The following GLIS3 variants were observed in gnomAD, a reference collection of about 807,000 sequenced individuals.
GLIS3 encodes the protein GLIS family zinc finger 3.
GLIS3 carries 53 observed loss-of-function variants against 78.6 expected under a neutral mutation model. That is an observed-to-expected ratio of 0.67 (90% confidence interval 0.54 to 0.85). The LOEUF (loss-of-function observed/expected upper bound fraction) is 0.85. Among genes scored for constraint, GLIS3 ranks in the 40% least tolerant of loss-of-function variants. The probability of loss-of-function intolerance (pLI) is 0.00; values close to 1 mark genes in which losing one functional copy is unlikely to be tolerated. For synonymous variants in GLIS3, 684 were observed against 509.9 expected (o/e 1.34, Z -4.60); for missense variants, 1,703 against 1,231.1 (o/e 1.38, Z -5.74).
intron 2 of GLIS3, among the ~76,000 whole-genome samples, chr9:4,231,336 C>G (rs964306459): frequency 1.3e-5 from 2 of 152,170 alleles, no homozygotes; most frequent in Admixed American, 6.5e-5. Flanking sequence ...TCTTACTTTA[C>G]CTAAGAGGAA....
intron 4 of GLIS3, among the ~76,000 whole-genome samples, chr9:4,044,962 G>A (rs898258484): frequency 2.6e-5 from 4 of 152,110 alleles, no homozygotes; most frequent in Non-Finnish European, 5.9e-5. Flanking sequence ...TGTAAATTCC[G>A]AGGAAGGGAG....
chr9:3,888,678 C>CTT (rs1442084743), intron 7 of GLIS3, among the ~76,000 whole-genome samples: 1 of 152,206 alleles, frequency 6.6e-6, no homozygotes, highest in Non-Finnish European at 1.5e-5. Flanking sequence ...AGAGAACCCC[C>CTT]TTTCCTCCTT....
At chr9:4,269,783 G>C (rs1826340270) in intron 2 of GLIS3, among the ~76,000 whole-genome samples, 1 of 152,086 alleles carries the variant, frequency 6.6e-6, no homozygotes, top group South Asian at 2.1e-4. Context: ...AATAAAGAGG[G>C]TAAAAAAATA....
chr9:4,169,620 C>G (rs1428316419), intron 2 of GLIS3, among the ~76,000 whole-genome samples: 1 of 152,104 alleles, frequency 6.6e-6, no homozygotes, highest in African/African-American at 2.4e-5. Context: ...CACAGTTGTA[C>G]TGTAGTTAAG....
chr9:4,159,007 T>C (rs1835256709), intron 2 of GLIS3, among the ~76,000 whole-genome samples: 1 of 126,972 alleles, frequency 7.9e-6, no homozygotes, highest in Admixed American at 9.0e-5. Context: ...CTGAACCAGC[T>C]TGGTATGCTA....
intron 2 of GLIS3, among the ~76,000 whole-genome samples, chr9:4,275,844 G>A (rs1380196470): frequency 6.6e-6 from 1 of 152,190 alleles, no homozygotes; most frequent in African/African-American, 2.4e-5. Context: ...GAGCCTTGAT[G>A]TCTTCATACC....
intron 4 of GLIS3, among the ~76,000 whole-genome samples, chr9:4,090,141 C>T (rs995935876): frequency 1.3e-5 from 2 of 152,100 alleles, no homozygotes; most frequent in African/African-American, 4.8e-5. Context: ...TCCCTAAAAC[C>T]CATTTTAGGC....
intron 2 of GLIS3, among the ~76,000 whole-genome samples, chr9:4,237,463 G>A (rs561405806): frequency 1.3e-5 from 2 of 152,322 alleles, no homozygotes; most frequent in East Asian, 3.9e-4. Context: ...AGTTTTACAT[G>A]AAAGATAGAT....
At chr9:4,162,691 T>C (rs974236603) in intron 2 of GLIS3, among the ~76,000 whole-genome samples, 2 of 151,396 alleles carry the variant, frequency 1.3e-5, no homozygotes, top group Non-Finnish European at 2.9e-5. Flanking sequence ...CCCATCTCTA[T>C]TAAAAAATAC....
chr9:4,191,166 C>T (rs959988314), intron 2 of GLIS3, among the ~76,000 whole-genome samples: 4 of 150,024 alleles, frequency 2.7e-5, no homozygotes, highest in Admixed American at 1.3e-4. Context: ...ATGACAGGAT[C>T]AAATTCACAC....
the GLIS3 span, among the ~76,000 whole-genome samples, chr9:4,397,618 T>C: frequency 8.7e-6 from 1 of 114,564 alleles, no homozygotes; most frequent in African/African-American, 3.3e-5. Flanking sequence ...TGCAAAGCAA[T>C]AAAAGAAGAA....
At chr9:4,307,424 C>A (rs1443563200) in intron 4 of GLIS3, among the ~76,000 whole-genome samples, 1 of 152,198 alleles carries the variant, frequency 6.6e-6, no homozygotes, top group Admixed American at 6.5e-5. Flanking sequence ...TGCAAACCCT[C>A]CAGAGCCCCC....
At chr9:4,465,659 G>C in the GLIS3 span, among the ~76,000 whole-genome samples, 6 of 152,116 alleles carry the variant, frequency 3.9e-5, no homozygotes, top group Non-Finnish European at 8.8e-5. Context: ...CCCATGATGT[G>C]CTTATTTCAT....
chr9:4,418,618 G>C, the GLIS3 span, among the ~76,000 whole-genome samples: 2 of 152,082 alleles, frequency 1.3e-5, no homozygotes, highest in Non-Finnish European at 2.9e-5. Context: ...AGAATCACTT[G>C]AACCTGGGAG....
chr9:4,232,340 C>G (rs1457912438), intron 2 of GLIS3, among the ~76,000 whole-genome samples: 1 of 149,488 alleles, frequency 6.7e-6, no homozygotes, highest in Non-Finnish European at 1.5e-5. Context: ...ATGATCGTGC[C>G]TCTGTACTCA....
In GLIS3 at chr9:3,850,237, G is replaced by A. The variant is rs143205192; in HGVS notation, c.2473+5772C>T. On this transcript the variant is annotated intron_variant, in intron 9 of 10. Transcript: ENST00000381971. ...TACTGAAACAACAAGTGATAGCAGG[G>A]CCCAGTGCACAGGAAGGCGTGTGAT... is the stretch of plus-strand genomic sequence containing the variant. Among the ~76,000 whole-genome samples, 18 of 152,314 alleles carry A rather than the reference G, an allele frequency of 1.2e-4. No homozygotes were observed. In the East Asian group the frequency reaches 3.5e-3, roughly 29 times the overall value.
chr9:4,356,258 G>C, the GLIS3 span, among the ~76,000 whole-genome samples: 2 of 152,212 alleles, frequency 1.3e-5, no homozygotes, highest in Non-Finnish European at 2.9e-5. Flanking sequence ...GAGCCGGAGA[G>C]ACTGGCCCAC....
chr9:4,336,298 T>A (rs1817756582), intron 2 of GLIS3, among the ~76,000 whole-genome samples: 1 of 152,222 alleles, frequency 6.6e-6, no homozygotes, highest in Non-Finnish European at 1.5e-5. Context: ...CTTTCAGAGA[T>A]CTCTATGGCT....
intron 4 of GLIS3, among the ~76,000 whole-genome samples, chr9:4,087,009 G>A (rs1474263507): frequency 3.9e-5 from 6 of 152,186 alleles, no homozygotes; most frequent in Non-Finnish European, 7.3e-5. Context: ...TTAGTGCTAT[G>A]TGTACATGTG....
Sources: allele counts gnomAD v4.1 joint callset (sites outside exome capture counted in the v4.1 genomes callset), GRCh38; gene constraint gnomAD v4.1.1; transcripts MANE v1.5; gene names NCBI Gene and HGNC (gene_info 2026-07-23, HGNC 2026-07-21).